The following ST7L variants were observed in gnomAD, a reference collection of about 807,000 sequenced individuals.
ST7L encodes suppressor of tumorigenicity 7 protein-like.
ST7L carries 57 observed loss-of-function variants against 72.5 expected under a neutral mutation model. The ratio of observed to expected loss-of-function variants is 0.79; its 90% CI spans 0.64 to 0.98. The LOEUF (loss-of-function observed/expected upper bound fraction) is 0.98, where lower values mean the gene tolerates loss of function less well. ST7L is among the 50% of genes least tolerant of loss of function. ST7L has a pLI of 0.00. For synonymous variants in ST7L, 221 were observed against 240.9 expected (o/e 0.92, Z 0.77); for missense variants, 576 against 672.2 (o/e 0.86, Z 1.58).
At chr1:112,597,947 A>G in intron 5 of ST7L, 24 bp downstream of exon 5, 4 of 1,544,536 alleles carry the variant, frequency 2.6e-6, no homozygotes, top group African/African-American at 2.7e-5. Flanking sequence ...CACTGTTTAT[A>G]CTATGAACAG....
rs143639520 is a variant in ST7L, at chr1:112,600,128, C to T, written c.506+666G>A. Among the ~76,000 whole-genome samples, 1,371 of 152,198 alleles carry T rather than the reference C, an allele frequency of 9.0e-3. 9 individuals carry two copies. Among genetic ancestry groups the T allele is most frequent in the Non-Finnish European group, 0.014 (957 of 68,004 alleles). On this transcript the variant is annotated intron_variant, in intron 4 of 14. Transcript: ENST00000358039. ...TCATCTCAGCTCACTGCAACCGTTG[C>T]CTCCTGGGTTCAAGTGATTCTCCTG...
At chr1:112,518,012 T>C in the ST7L span, 1 of 152,190 alleles carries the variant, frequency 6.6e-6, no homozygotes, top group African/African-American at 2.4e-5. Flanking sequence ...CTAAGGGAGA[T>C]TAAAGCTAGA....
At chr1:112,590,078 G>C (rs1375833132) in intron 6 of ST7L, among the ~76,000 whole-genome samples, 2 of 152,212 alleles carry the variant, frequency 1.3e-5, no homozygotes, top group Non-Finnish European at 2.9e-5. Flanking sequence ...ATGACCCAGA[G>C]TGTAGTTATG....
intron 3 of ST7L, among the ~76,000 whole-genome samples, chr1:112,603,294 C>A (rs369410483): frequency 6.6e-6 from 1 of 152,090 alleles, no homozygotes; most frequent in East Asian, 1.9e-4. Flanking sequence ...TCCAAACAAC[C>A]AATGTATGAT....
At chr1:112,565,433 A>G (rs1331036811) in intron 11 of ST7L, among the ~76,000 whole-genome samples, 1 of 151,924 alleles carries the variant, frequency 6.6e-6, no homozygotes, top group Non-Finnish European at 1.5e-5. Flanking sequence ...AGTTATAAGG[A>G]TTTACTAAAC....
intron 14 of ST7L, among the ~76,000 whole-genome samples, chr1:112,537,469 G>C (rs141541374): frequency 0.02 from 3,049 of 152,250 alleles, 104 homozygotes; most frequent in African/African-American, 0.069. Context: ...CACTTTTCTT[G>C]CAAGAGAAAT....
At chr1:112,589,870 T>C (rs1198931619) in intron 6 of ST7L, among the ~76,000 whole-genome samples, 1 of 152,220 alleles carries the variant, frequency 6.6e-6, no homozygotes, top group Non-Finnish European at 1.5e-5. Context: ...TTTCTGAGCA[T>C]ATGCCCAGCT....
chr1:112,604,195 G>C (rs1381440882), intron 3 of ST7L, among the ~76,000 whole-genome samples: 3 of 152,106 alleles, frequency 2.0e-5, no homozygotes, highest in Non-Finnish European at 2.9e-5. Flanking sequence ...TGTAATCTCA[G>C]CTACCTGGGA....
intron 11 of ST7L, among the ~76,000 whole-genome samples, chr1:112,562,912 T>C (rs1660410799): frequency 6.6e-6 from 1 of 152,076 alleles, no homozygotes; most frequent in Non-Finnish European, 1.5e-5. Flanking sequence ...GTAAAGTATT[T>C]GAGATTCTTT....
intron 10 of ST7L, among the ~76,000 whole-genome samples, chr1:112,577,618 C>T (rs1351617384): frequency 1.4e-5 from 2 of 144,226 alleles, no homozygotes; most frequent in Admixed American, 7.0e-5. Context: ...AGTCTTCAAA[C>T]TTAGGTAAAG....
At chr1:112,613,164 A>ACACTTC (rs1474165852) in intron 2 of ST7L, among the ~76,000 whole-genome samples, 1 of 152,066 alleles carries the variant, frequency 6.6e-6, no homozygotes, top group Non-Finnish European at 1.5e-5. Flanking sequence ...CAACAACAAC[A>ACACTTC]CACTTCCCTT....
At chr1:112,540,522 G>A in intron 14 of ST7L, 1 of 985,360 alleles carries the variant, frequency 1.0e-6, no homozygotes, top group Non-Finnish European at 1.2e-6. Flanking sequence ...AACAACAGTG[G>A]AAAGTCATTC....
intron 6 of ST7L, among the ~76,000 whole-genome samples, chr1:112,591,069 T>C (rs1364023278): frequency 6.6e-6 from 1 of 151,870 alleles, no homozygotes; most frequent in Non-Finnish European, 1.5e-5. Flanking sequence ...TAGCTGGGAC[T>C]ACAGGCGCTC....
chr1:112,587,783 G>C (rs932646545), intron 6 of ST7L, among the ~76,000 whole-genome samples: 6 of 152,166 alleles, frequency 3.9e-5, no homozygotes, highest in African/African-American at 1.4e-4. Context: ...TTTCAAGATT[G>C]TTTTGGTATT....
intron 11 of ST7L, among the ~76,000 whole-genome samples, chr1:112,569,873 G>A (rs1228378429): frequency 6.7e-6 from 1 of 149,364 alleles, no homozygotes; most frequent in Admixed American, 6.8e-5. Context: ...CAAGAAAATC[G>A]CTTGAAACCG....
chr1:112,574,542 T>C (rs546694840), intron 11 of ST7L, among the ~76,000 whole-genome samples: 8 of 150,452 alleles, frequency 5.3e-5, no homozygotes, highest in South Asian at 2.1e-4. Flanking sequence ...GCCTGCAGTC[T>C]CAGCTACTTG....
rs529731958 is a variant in ST7L, at chr1:112,557,483, C to G, written c.1246-1465G>C. On this transcript the variant is annotated intron_variant, in intron 11 of 14. Transcript: ENST00000358039. ...ATATGGTATATATGTTCTGTTTATC[C>G]ATTCATCAACTGACAGATATTTGGT... 2.6e-5 allele frequency among the ~76,000 whole-genome samples: 4 copies of G among 152,230 alleles called. No individual in the cohort carries two copies. In the East Asian group the frequency reaches 7.7e-4, roughly 29 times the overall value.
chr1:112,571,376 T>C (rs1270313002), intron 11 of ST7L: 3 of 455,184 alleles, frequency 6.6e-6, no homozygotes, highest in African/African-American at 6.0e-5. Flanking sequence ...GACATTAAAA[T>C]GTTAAAGTGT....
At chr1:112,611,192 T>C (rs1669015048) in intron 2 of ST7L, among the ~76,000 whole-genome samples, 189 bp from the exon 3 acceptor site, 1 of 152,256 alleles carries the variant, frequency 6.6e-6, no homozygotes, top group East Asian at 1.9e-4. Flanking sequence ...ACATTTTTTA[T>C]AGTTCCGTCA....
Sources: allele counts gnomAD v4.1 joint callset (sites outside exome capture counted in the v4.1 genomes callset), GRCh38; gene constraint gnomAD v4.1.1; transcripts MANE v1.5; gene names NCBI Gene and HGNC (gene_info 2026-07-23, HGNC 2026-07-21).